RNF214: variants seen among roughly 807,000 people sequenced by gnomAD.
RNF214 encodes the protein ring finger protein 214.
In RNF214, 25 loss-of-function variants were observed where a neutral mutation model predicts 75.9. The ratio of observed to expected loss-of-function variants is 0.33; its 90% CI spans 0.24 to 0.46. The LOEUF (loss-of-function observed/expected upper bound fraction) is 0.46. Ranked by LOEUF, RNF214 falls within the 20% of genes least tolerant of loss-of-function variation. The pLI is 1.00. For synonymous variants in RNF214, 314 were observed against 308.8 expected, an observed-to-expected ratio of 1.02 and a Z score of -0.18; for missense variants, 725 against 857.5, an observed-to-expected ratio of 0.85 and a Z score of 1.93.
chr11:117,236,514 C>T (rs910731179), intron 2 of RNF214, among the ~76,000 whole-genome samples: 9 of 151,764 alleles, frequency 5.9e-5, no homozygotes, highest in African/African-American at 2.2e-4. Flanking sequence ...CCTTGTGATC[C>T]GCCCGCCTCA....
chr11:117,251,157 G>A (rs1319919307), intron 6 of RNF214, among the ~76,000 whole-genome samples: 6 of 150,208 alleles, frequency 4.0e-5, no homozygotes, highest in Admixed American at 4.0e-4. Flanking sequence ...GTGGTGGCCT[G>A]GCAGAGGGGC....
intron 5 of RNF214, among the ~76,000 whole-genome samples, chr11:117,245,728 T>C (rs560731141): frequency 7.2e-5 from 11 of 152,270 alleles, no homozygotes; most frequent in East Asian, 1.9e-4. Flanking sequence ...TCGATACTTA[T>C]TGACAATACA....
At chr11:117,282,302 T>A (rs755628343) in intron 11 of RNF214, 32 bp downstream of exon 11, 14 of 1,579,206 alleles carry the variant, frequency 8.9e-6, no homozygotes, top group Non-Finnish European at 1.2e-5. Context: ...TTCAGATGTC[T>A]CTATCAGAGA....
At chr11:117,249,591 C>G (rs971163194) in intron 6 of RNF214, among the ~76,000 whole-genome samples, 4 of 152,130 alleles carry the variant, frequency 2.6e-5, no homozygotes, top group Non-Finnish European at 5.9e-5. Flanking sequence ...TTCACCTTGG[C>G]CTGCCATAAC....
intron 6 of RNF214, among the ~76,000 whole-genome samples, chr11:117,268,632 G>A (rs948514235): frequency 6.6e-6 from 1 of 152,072 alleles, no homozygotes; most frequent in Non-Finnish European, 1.5e-5. Context: ...GCATCTTCCA[G>A]CTTTGGTGTT....
chr11:117,283,552 G>A (rs996001001), intron 14 of RNF214, among the ~76,000 whole-genome samples: 23 of 151,946 alleles, frequency 1.5e-4, no homozygotes, highest in African/African-American at 5.3e-4. Context: ...GTAGAGACAG[G>A]GTTTCACCAT....
chr11:117,266,115 A>G (rs992560452), intron 6 of RNF214, among the ~76,000 whole-genome samples: 1 of 152,212 alleles, frequency 6.6e-6, no homozygotes, highest in African/African-American at 2.4e-5. Context: ...AGTTAAAGGT[A>G]TTATAATTAT....
At position 117,262,707 on chromosome 11, in the gene RNF214, T is replaced by TTGTGTGTGTG. The variant is rs57686552; in HGVS notation, c.959+15777_959+15786dup. ...CTTTGTCTGTGTTTATTGAGGAACG[T>TTGTGTGTGTG]TGTGTGTGTGTGTGTGTGTGTGTGT... is the stretch of plus-strand genomic sequence containing the variant. On this transcript the variant is annotated intron_variant, in intron 6 of 14. Transcript: ENST00000300650. Among the ~76,000 whole-genome samples, 1,217 of 147,720 alleles carry TTGTGTGTGTG rather than the reference T, an allele frequency of 8.2e-3. 19 individuals are homozygous for TTGTGTGTGTG. The highest frequency in any genetic ancestry group is 0.055 in the South Asian group (255 of 4,628).
intron 1 of RNF214, 48 bp downstream of exon 1, chr11:117,232,774 A>G (rs1367694743): frequency 6.9e-6 from 1 of 145,134 alleles, no homozygotes; most frequent in South Asian, 2.3e-4. Context: ...GCGGCGCGGG[A>G]GGTGTGTGCG....
At chr11:117,281,819 T>C in intron 10 of RNF214, 75 bp from the exon 11 acceptor site, 2 of 1,554,482 alleles carry the variant, frequency 1.3e-6, no homozygotes, top group Non-Finnish European at 8.8e-7. Flanking sequence ...GAGTTGTTCA[T>C]TGATGTCTTC....
chr11:117,253,778 G>T (rs1279219356), intron 6 of RNF214, among the ~76,000 whole-genome samples: 3 of 152,160 alleles, frequency 2.0e-5, no homozygotes, highest in Non-Finnish European at 2.9e-5. Context: ...TGTTTTAAAA[G>T]ACATAATTGA....
In RNF214 at chr11:117,241,804, C is replaced by T. The variant is rs558768557; in HGVS notation, c.678+1944C>T. On this transcript the variant is annotated intron_variant, in intron 4 of 14. Transcript: ENST00000300650. ...ATACTATTTTCCATTTCTTTATCAT[C>T]ATTCTGGTTACTTTCACTTAGACAT... is the stretch of plus-strand genomic sequence containing the variant. 1.1e-4 allele frequency among the ~76,000 whole-genome samples: 17 copies of T among 152,218 alleles called. No individual in the cohort carries two copies. In the East Asian group the frequency reaches 2.1e-3, roughly 19 times the overall value.
intron 4 of RNF214, among the ~76,000 whole-genome samples, chr11:117,241,949 CTA>C (rs1053825830): frequency 6.6e-6 from 1 of 152,168 alleles, no homozygotes; most frequent in African/African-American, 2.4e-5. Flanking sequence ...ATTCTAGACA[CTA>C]TTTCTTAAGC....
intron 6 of RNF214, among the ~76,000 whole-genome samples, chr11:117,250,701 A>G (rs7940116): frequency 0.11 from 16,280 of 142,232 alleles, 918 homozygotes; most frequent in Middle Eastern, 0.15. Flanking sequence ...AGTGGAGGGA[A>G]GGTCAGCAGA....
chr11:117,258,212 G>T (rs1190793133), intron 6 of RNF214, among the ~76,000 whole-genome samples: 1 of 151,944 alleles, frequency 6.6e-6, no homozygotes, highest in Non-Finnish European at 1.5e-5. Flanking sequence ...GGGACTACAG[G>T]TGCATGCCAC....
chr11:117,238,597 A>G lies in RNF214; in HGVS notation c.108-4A>G, dbSNP rs761038041. 4 of 1,600,524 alleles carry G rather than the reference A, an allele frequency of 2.5e-6. No individual in the cohort carries two copies. Among genetic ancestry groups the G allele is most frequent in the Non-Finnish European group, 2.6e-6 (3 of 1,173,296 alleles). ...CTTTTCTTTTTATCTTGTGTGTTTG[A>G]TAGCACCAAAGACTCTGCACAGAAG... On this transcript the variant is annotated splice_region_variant and splice_polypyrimidine_tract_variant and intron_variant, in intron 2 of 14. Coordinates refer to ENST00000300650, the MANE Select transcript of RNF214 (RefSeq NM_207343.4).
chr11:117,236,775 G>A (rs1338946219), intron 2 of RNF214, among the ~76,000 whole-genome samples: 2 of 152,200 alleles, frequency 1.3e-5, no homozygotes, highest in East Asian at 1.9e-4. Flanking sequence ...TGGAGTCAGA[G>A]TTTTGATAAA....
At chr11:117,253,536 C>T (rs2033449878) in intron 6 of RNF214, among the ~76,000 whole-genome samples, 1 of 152,166 alleles carries the variant, frequency 6.6e-6, no homozygotes. Flanking sequence ...TTTAAGCTCC[C>T]TACCTTTAAC....
At chr11:117,252,003 G>A (rs922804732) in intron 6 of RNF214, among the ~76,000 whole-genome samples, 1 of 152,152 alleles carries the variant, frequency 6.6e-6, no homozygotes, top group Non-Finnish European at 1.5e-5. Flanking sequence ...TGAGTAGCTG[G>A]AACTACAGGC....
Sources: gnomAD v4.1 joint callset for allele counts (sites outside exome capture counted in the v4.1 genomes callset) on GRCh38, gnomAD v4.1.1 for gene constraint, MANE v1.5 for transcripts, NCBI Gene and HGNC (gene_info 2026-07-23, HGNC 2026-07-21) for gene names.